Variants in TOMM20 observed in about 807,000 individuals in gnomAD.
TOMM20 encodes the protein mitochondrial import receptor subunit TOM20 homolog.
Under a neutral mutation model 22.1 loss-of-function variants are expected in TOMM20, and 10 were observed. That is an observed-to-expected ratio of 0.45 (90% CI 0.28 to 0.77). TOMM20 has a LOEUF of 0.77. Ranked by LOEUF, TOMM20 falls within the 30% of genes least tolerant of loss-of-function variation. TOMM20 has a pLI of 0.13. For missense variants in TOMM20, 121 were observed against 172.2 expected (o/e 0.70, Z 1.66); for synonymous variants, 55 against 61.4 (o/e 0.90, Z 0.49).
At position 235,110,380 on chromosome 1, in the gene TOMM20, T is replaced by A. The variant is rs1448765872; in HGVS notation, c.*1684A>T. On this transcript the variant is annotated 3_prime_UTR_variant, in exon 5 of 5. Transcript: ENST00000366607. ...TGTCTGGGCTGCTGCCTAAGACTTC[T>A]TAGCTGCCTGGTTAGTCACTGACCA... is the stretch of plus-strand genomic sequence containing the variant. 6.6e-6 allele frequency: 1 copy of A among 152,240 alleles called. No individual in the cohort carries two copies. Among genetic ancestry groups the A allele is most frequent in the Non-Finnish European group, 1.5e-5 (1 of 68,096 alleles). 9.4% of individuals were successfully genotyped at this position (152,240 alleles called of 1,614,324 possible).
chr1:235,124,115 G>A (rs539725764), intron 1 of TOMM20, among the ~76,000 whole-genome samples: 46 of 152,382 alleles, frequency 3.0e-4, no homozygotes, highest in African/African-American at 1.0e-3. Flanking sequence ...GGGAGGCCAA[G>A]GCGGGCGGAT....
In TOMM20 at chr1:235,115,848, CAT is replaced by C. The variant is rs112832837; in HGVS notation, c.251-1940_251-1939del. 6.0e-4 allele frequency among the ~76,000 whole-genome samples: 91 copies of C among 152,116 alleles called. 2 individuals carry two copies. The highest frequency in any genetic ancestry group is 1.7e-3 in the African/African-American group (72 of 41,488). ...ACCTATGTGTAGGGAAAAGCACACACATGTTTACTGCCCATTATAAAAAATTC... is the reference window on the plus strand; with the variant it reads ...ACCTATGTGTAGGGAAAAGCACACACGTTTACTGCCCATTATAAAAAATTC... On this transcript the variant is annotated intron_variant, in intron 3 of 4. Transcript: ENST00000366607.
At chr1:235,124,412 C>A (rs1660979308) in intron 1 of TOMM20, among the ~76,000 whole-genome samples, 1 of 152,192 alleles carries the variant, frequency 6.6e-6, no homozygotes, top group Admixed American at 6.5e-5. Flanking sequence ...AGAAAATGTA[C>A]CAAGGTCACA....
intron 1 of TOMM20, among the ~76,000 whole-genome samples, chr1:235,122,647 T>C (rs1334340718): frequency 6.6e-6 from 1 of 152,134 alleles, no homozygotes; most frequent in Non-Finnish European, 1.5e-5. Flanking sequence ...ACTTCTAAAG[T>C]AATTACAATA....
Position 235,110,646 on chromosome 1 carries a change from C to A in TOMM20, c.*1418G>T, listed in dbSNP as rs1202967466. 1 of 152,136 alleles carries A rather than the reference C, an allele frequency of 6.6e-6. No homozygotes were observed. The highest frequency in any genetic ancestry group is 1.5e-5 in the Non-Finnish European group (1 of 68,032). The allele number at this position is 152,136 out of a possible 1,614,324, so 9.4% of individuals were successfully genotyped here. On this transcript the variant is annotated 3_prime_UTR_variant, in exon 5 of 5. Transcript: ENST00000366607. ...TCAAGGCTGTGCGGCTAATCAGAGG[C>A]AGAAACTAGACCTATTTCTCCTTCC...
chr1:235,113,074 G>A (rs1660766068), intron 4 of TOMM20, among the ~76,000 whole-genome samples: 1 of 152,136 alleles, frequency 6.6e-6, no homozygotes, highest in South Asian at 2.1e-4. Flanking sequence ...ATCATTCACT[G>A]TTTTAATCAC....
At chr1:235,125,565 T>G (rs949784784) in intron 1 of TOMM20, among the ~76,000 whole-genome samples, 1 of 152,046 alleles carries the variant, frequency 6.6e-6, no homozygotes, top group African/African-American at 2.4e-5. Flanking sequence ...CTACATGCCT[T>G]ATGTGAAAAA....
chr1:235,115,965 C>T (rs920892888), intron 3 of TOMM20, among the ~76,000 whole-genome samples: 5 of 152,146 alleles, frequency 3.3e-5, no homozygotes, highest in African/African-American at 9.7e-5. Flanking sequence ...AACTGTGGCT[C>T]GGGAAACCAG....
chr1:235,122,055 T>C lies in TOMM20; in HGVS notation c.168+271A>G, dbSNP rs190086162. 3.3e-5 allele frequency among the ~76,000 whole-genome samples: 5 copies of C among 152,320 alleles called. No individual in the cohort carries two copies. The East Asian group carries it at 9.6e-4, about 29-fold the overall frequency. ...AACTTTTCATCTTTTGGTGCAAATG[T>C]CTTGAGGCCCTCATCTTGCTCCTTA... On this transcript the variant is annotated intron_variant, in intron 2 of 4. Transcript: ENST00000366607.
intron 3 of TOMM20, among the ~76,000 whole-genome samples, chr1:235,117,497 A>C: frequency 6.6e-6 from 1 of 151,950 alleles, no homozygotes; most frequent in Non-Finnish European, 1.5e-5. Context: ...AAAAGGAGAA[A>C]ACAGTTTCAG....
At chr1:235,120,083 AG>A (rs1437143784) in intron 2 of TOMM20, among the ~76,000 whole-genome samples, 184 bp from the exon 3 acceptor site, 1 of 152,214 alleles carries the variant, frequency 6.6e-6, no homozygotes, top group East Asian at 1.9e-4. Context: ...AATGAATAAA[AG>A]AAAAAACTTG....
At chr1:235,117,845 A>G (rs1030067926) in intron 3 of TOMM20, among the ~76,000 whole-genome samples, 12 of 152,022 alleles carry the variant, frequency 7.9e-5, no homozygotes, top group African/African-American at 2.9e-4. Flanking sequence ...TGTGAGGACT[A>G]TGATTGTCCC....
At position 235,109,360 on chromosome 1, in the gene TOMM20, T is replaced by C. The variant is rs1360475495; in HGVS notation, c.*2704A>G. 6.6e-6 allele frequency: 1 copy of C among 152,266 alleles called. No homozygotes were observed. The highest frequency in any genetic ancestry group is 2.4e-5 in the African/African-American group (1 of 41,472). The allele number at this position is 152,266 out of a possible 1,614,324, so 9.4% of individuals were successfully genotyped here. A position where few individuals can be genotyped will look rare whatever the true frequency, so the allele number is the denominator to read the frequency against. ...CCAAAGTTTTCTCCAAGCCCTTTAA[T>C]ATTCACTTAAACAGTTGAGGCACAA... On this transcript the variant is annotated 3_prime_UTR_variant, in exon 5 of 5. Coordinates refer to ENST00000366607, the MANE Select transcript of TOMM20 (RefSeq NM_014765.3).
At chr1:235,114,009 C>A (rs1460896425) in intron 3 of TOMM20, 99 bp from the exon 4 acceptor site, 2 of 1,325,580 alleles carry the variant, frequency 1.5e-6, no homozygotes, top group South Asian at 3.1e-5. Flanking sequence ...ACCAAAAACA[C>A]TAAGCAAGTA....
intron 3 of TOMM20, among the ~76,000 whole-genome samples, chr1:235,117,089 C>G (rs543030795): frequency 2.5e-5 from 3 of 122,214 alleles, no homozygotes; most frequent in South Asian, 2.8e-4. Context: ...GAGCGGAGAT[C>G]GCGCCACTGC....
chr1:235,116,899 G>A (rs1230782317), intron 3 of TOMM20, among the ~76,000 whole-genome samples: 2 of 152,024 alleles, frequency 1.3e-5, no homozygotes, highest in Non-Finnish European at 2.9e-5. Context: ...ACTTTGGGAG[G>A]CCAAGGCGGG....
chr1:235,125,553 A>G (rs1661001162), intron 1 of TOMM20, among the ~76,000 whole-genome samples: 1 of 152,016 alleles, frequency 6.6e-6, no homozygotes, highest in Admixed American at 6.6e-5. Flanking sequence ...AAAGCCAATG[A>G]GCTACATGCC....
chr1:235,122,523 G>GAACA (rs1479110976), intron 1 of TOMM20, 151 bp from the exon 2 acceptor site: 2 of 631,680 alleles, frequency 3.2e-6, no homozygotes, highest in Non-Finnish European at 5.3e-6. Flanking sequence ...AAGAGCATAT[G>GAACA]ACATGTTCTG....
In TOMM20 at chr1:235,109,987, G is replaced by A. The variant is rs115131468; in HGVS notation, c.*2077C>T. On this transcript the variant is annotated 3_prime_UTR_variant, in exon 5 of 5. Transcript: ENST00000366607. ...AATAGTGTTTGGCAATTACATTTCT[G>A]GGAGAAAAAACTGCTGATTTTTTCT... is the stretch of plus-strand genomic sequence containing the variant. 646 of 152,174 alleles carry A rather than the reference G, an allele frequency of 4.2e-3. 4 individuals are homozygous for A. Among genetic ancestry groups the A allele is most frequent in the African/African-American group, 0.015 (611 of 41,516 alleles). The allele number at this position is 152,174 out of a possible 1,614,324, so 9.4% of individuals were successfully genotyped here.
Sources: allele counts gnomAD v4.1 joint callset (sites outside exome capture counted in the v4.1 genomes callset), GRCh38; gene constraint gnomAD v4.1.1; transcripts MANE v1.5; gene names NCBI Gene and HGNC (gene_info 2026-07-23, HGNC 2026-07-21).